The following GRIK1 variants were observed in gnomAD, a reference collection of about 807,000 sequenced individuals.
GRIK1 encodes glutamate receptor ionotropic, kainate 1.
GRIK1 carries 69 observed loss-of-function variants against 105.7 expected under a neutral mutation model. The observed-to-expected ratio is 0.65, with a 90% CI of 0.54 to 0.80. The LOEUF is 0.80. Ranked by LOEUF, GRIK1 falls within the 30% of genes least tolerant of loss-of-function variation. GRIK1 has a pLI of 0.00. For missense variants in GRIK1, 1,109 were observed against 1,167.3 expected, an observed-to-expected ratio of 0.95 and a Z score of 0.73; for synonymous variants, 438 against 431.3, an observed-to-expected ratio of 1.02 and a Z score of -0.19.
intron 16 of GRIK1, chr21:29,553,362 A>G: frequency 3.3e-6 from 4 of 1,218,154 alleles, no homozygotes; most frequent in Non-Finnish European, 4.1e-6. Flanking sequence ...TACCCCTAAT[A>G]TGCCCCTGCT....
intron 1 of GRIK1, among the ~76,000 whole-genome samples, chr21:29,699,968 C>T (rs1399614752): frequency 2.6e-5 from 4 of 151,970 alleles, no homozygotes; most frequent in Non-Finnish European, 5.9e-5. Flanking sequence ...TTTTTTTTCT[C>T]CCAAGGGCTT....
At chr21:29,755,060 T>C (rs184764591) in intron 1 of GRIK1, among the ~76,000 whole-genome samples, 5 of 152,350 alleles carry the variant, frequency 3.3e-5, no homozygotes, top group Non-Finnish European at 5.9e-5. Flanking sequence ...AAATGTTATT[T>C]TCTGTATAAT....
chr21:29,745,140 T>C (rs865976915), intron 1 of GRIK1, among the ~76,000 whole-genome samples: 1 of 152,214 alleles, frequency 6.6e-6, no homozygotes, highest in Non-Finnish European at 1.5e-5. Context: ...TTTCTGAGCT[T>C]GTACCCTTTG....
intron 14 of GRIK1, among the ~76,000 whole-genome samples, chr21:29,569,567 A>G (rs1015280166): frequency 3.3e-5 from 5 of 152,208 alleles, no homozygotes; most frequent in Admixed American, 6.5e-5. Flanking sequence ...TGAGAAGAAG[A>G]CTAGCTGGTA....
chr21:29,550,107 CAAAAAAAAAAAAA>C (rs34939329), intron 16 of GRIK1, among the ~76,000 whole-genome samples: 11 of 53,468 alleles, frequency 2.1e-4, no homozygotes, highest in South Asian at 1.1e-3. Flanking sequence ...GACTCCATCT[CAAAAAAAAAAAAA>C]AAAAAAAAAA....
At chr21:29,702,528 A>T (rs1021667047) in intron 1 of GRIK1, among the ~76,000 whole-genome samples, 1 of 152,160 alleles carries the variant, frequency 6.6e-6, no homozygotes, top group Non-Finnish European at 1.5e-5. Flanking sequence ...ACTGGTCAAC[A>T]TGGCAAAATC....
chr21:29,913,422 C>G (rs992402773), intron 1 of GRIK1, among the ~76,000 whole-genome samples: 1 of 151,954 alleles, frequency 6.6e-6, no homozygotes, highest in Non-Finnish European at 1.5e-5. Context: ...GAAGAAAGAG[C>G]ATTTTTAATA....
intron 3 of GRIK1, among the ~76,000 whole-genome samples, chr21:29,683,040 C>G (rs117866651): frequency 0.014 from 2,183 of 152,284 alleles, 22 homozygotes; most frequent in Non-Finnish European, 0.019. Context: ...AAATGCTCAT[C>G]ATGACAGATC....
rs79861112 is a variant in GRIK1 at position 29,838,395 on chromosome 21, G to A, written c.118+100988C>T. 1.6e-3 allele frequency among the ~76,000 whole-genome samples: 244 copies of A among 152,216 alleles called. 3 individuals carry two copies. In the East Asian group the frequency reaches 0.039, roughly 24 times the overall value. ...AAAAAGATTCCTCATTGGCCATTTA[G>A]CTTCCATCTTGTTTGTACTGAAAAA... On this transcript the variant is annotated intron_variant, in intron 1 of 17. Coordinates refer to ENST00000327783, the MANE Select transcript of GRIK1 (RefSeq NM_001330994.2).
intron 1 of GRIK1, among the ~76,000 whole-genome samples, chr21:29,801,413 A>G (rs1241686496): frequency 6.6e-6 from 1 of 152,162 alleles, no homozygotes; most frequent in Non-Finnish European, 1.5e-5. Context: ...TCAGGGGCTT[A>G]AATCAAATAC....
At chr21:29,604,801 T>C (rs1215398129) in intron 7 of GRIK1, among the ~76,000 whole-genome samples, 1 of 152,170 alleles carries the variant, frequency 6.6e-6, no homozygotes, top group African/African-American at 2.4e-5. Context: ...TCCTCATTCC[T>C]CTTATTGGAC....
intron 1 of GRIK1, among the ~76,000 whole-genome samples, chr21:29,823,026 G>A (rs1298573809): frequency 6.6e-6 from 1 of 151,950 alleles, no homozygotes; most frequent in Admixed American, 6.6e-5. Context: ...GCCACTTCAT[G>A]TGTGATCCTG....
chr21:29,544,240 T>C (rs925380616), intron 16 of GRIK1, among the ~76,000 whole-genome samples: 1 of 152,188 alleles, frequency 6.6e-6, no homozygotes, highest in South Asian at 2.1e-4. Context: ...AACCTTATTC[T>C]CTCAACAGAA....
At chr21:29,937,813 C>G (rs2071820625) in intron 1 of GRIK1, among the ~76,000 whole-genome samples, 1 of 144,520 alleles carries the variant, frequency 6.9e-6, no homozygotes, top group Admixed American at 6.9e-5. Flanking sequence ...TTTTTTTGAC[C>G]AGGGTGAGTA....
At chr21:29,792,951 C>G (rs1371498385) in intron 1 of GRIK1, among the ~76,000 whole-genome samples, 1 of 152,134 alleles carries the variant, frequency 6.6e-6, no homozygotes, top group African/African-American at 2.4e-5. Flanking sequence ...CCACTTTTGT[C>G]TCAGTAGCAC....
chr21:29,795,278 C>T (rs1467971754), intron 1 of GRIK1, among the ~76,000 whole-genome samples: 4 of 152,054 alleles, frequency 2.6e-5, no homozygotes, highest in East Asian at 3.9e-4. Context: ...TCAGGTGTTC[C>T]GCCTGCCTTG....
intron 6 of GRIK1, among the ~76,000 whole-genome samples, chr21:29,648,952 A>C (rs1489767019): frequency 6.6e-6 from 1 of 152,234 alleles, no homozygotes; most frequent in East Asian, 1.9e-4. Flanking sequence ...TTTAACGTAG[A>C]GAAGAAAGAG....
intron 1 of GRIK1, among the ~76,000 whole-genome samples, chr21:29,752,517 T>C (rs546795074): frequency 2.0e-5 from 3 of 152,206 alleles, no homozygotes; most frequent in African/African-American, 7.2e-5. Context: ...AACAATATTG[T>C]ACAAAGTAAA....
At chr21:29,871,904 C>T (rs1200556765) in intron 1 of GRIK1, among the ~76,000 whole-genome samples, 1 of 151,040 alleles carries the variant, frequency 6.6e-6, no homozygotes. Context: ...GCTGGGACAA[C>T]AGGCATGCTC....
Sources: gnomAD v4.1 joint callset for allele counts (sites outside exome capture counted in the v4.1 genomes callset) on GRCh38, gnomAD v4.1.1 for gene constraint, MANE v1.5 for transcripts, NCBI Gene and HGNC (gene_info 2026-07-23, HGNC 2026-07-21) for gene names.